The following TDRD3 variants were observed in gnomAD, a reference collection of about 807,000 sequenced individuals.
TDRD3 encodes tudor domain containing 3.
TDRD3 carries 45 observed loss-of-function variants against 86.7 expected under a neutral mutation model. The observed-to-expected ratio is 0.52, with a 90% CI of 0.41 to 0.67. The LOEUF is 0.67. Among genes scored for constraint, TDRD3 ranks in the 30% least tolerant of loss-of-function variants. The pLI, the probability that TDRD3 is intolerant of heterozygous loss-of-function variation, is 0.00. For synonymous variants in TDRD3, 298 were observed against 301.7 expected (o/e 0.99, Z 0.13); for missense variants, 814 against 889.0 (o/e 0.92, Z 1.07).
intron 1 of TDRD3, among the ~76,000 whole-genome samples, chr13:60,416,129 A>G (rs1430719779): frequency 1.3e-5 from 2 of 152,210 alleles, no homozygotes; most frequent in Non-Finnish European, 2.9e-5. Context: ...TAGATTTAAC[A>G]TGGTACAATA....
intron 10 of TDRD3, among the ~76,000 whole-genome samples, chr13:60,515,735 T>G (rs780379423): frequency 1.3e-5 from 2 of 152,220 alleles, no homozygotes; most frequent in Non-Finnish European, 2.9e-5. Context: ...GGCAAGCTAC[T>G]GAATTGTTTT....
intron 12 of TDRD3, among the ~76,000 whole-genome samples, chr13:60,563,157 G>C (rs1247730857): frequency 6.6e-6 from 1 of 151,798 alleles, no homozygotes; most frequent in Non-Finnish European, 1.5e-5. Context: ...GAACCTGGAA[G>C]GCGGAGGTTG....
chr13:60,470,653 G>A (rs1010504207), intron 5 of TDRD3, among the ~76,000 whole-genome samples: 45 of 148,424 alleles, frequency 3.0e-4, no homozygotes, highest in African/African-American at 7.5e-4. Context: ...GCACGATTTC[G>A]GCTTACTGCA....
intron 12 of TDRD3, among the ~76,000 whole-genome samples, chr13:60,566,642 A>T (rs1958466036): frequency 6.6e-6 from 1 of 152,118 alleles, no homozygotes; most frequent in South Asian, 2.1e-4. Flanking sequence ...CAAAACTGAG[A>T]GCTAATTTTT....
At chr13:60,460,644 G>A (rs1594960177) in intron 4 of TDRD3, 104 bp downstream of exon 4, 1 of 1,016,892 alleles carries the variant, frequency 9.8e-7, no homozygotes, top group South Asian at 2.1e-5. Flanking sequence ...CCTTAATTGT[G>A]TGTTACAGTT....
intron 12 of TDRD3, among the ~76,000 whole-genome samples, chr13:60,554,883 G>T (rs1244671728): frequency 2.0e-5 from 3 of 152,104 alleles, no homozygotes; most frequent in Non-Finnish European, 4.4e-5. Flanking sequence ...TGTTTCAGAT[G>T]TGGAATTACA....
chr13:60,408,934 C>T (rs1834474969), intron 1 of TDRD3, among the ~76,000 whole-genome samples: 1 of 152,230 alleles, frequency 6.6e-6, no homozygotes, highest in Non-Finnish European at 1.5e-5. Context: ...TAGCCCCTCT[C>T]ATCACAGGCC....
chr13:60,509,130 T>C (rs564127224), intron 8 of TDRD3, among the ~76,000 whole-genome samples: 8 of 152,322 alleles, frequency 5.3e-5, no homozygotes, highest in Middle Eastern at 6.8e-3. Context: ...GTTCAAGAAA[T>C]TTCTTCGTAG....
In TDRD3 at chr13:60,539,029, A is replaced by G. The variant is rs1343230817; in HGVS notation, c.2118+3796A>G. ...TCATTGTTCAGCTATTATTTCAACT[A>G]GAAAAATGATTATTGTGTAGGTAAT... is the stretch of plus-strand genomic sequence containing the variant. On this transcript the variant is annotated intron_variant, in intron 12 of 13. Coordinates refer to ENST00000377881, the MANE Select transcript of TDRD3 (RefSeq NM_001146070.2). Among the ~76,000 whole-genome samples, 4 of 152,322 alleles carry G rather than the reference A, an allele frequency of 2.6e-5. No individual in the cohort carries two copies. The East Asian group carries it at 7.7e-4, about 29-fold the overall frequency.
chr13:60,513,578 A>C (rs567007447), intron 10 of TDRD3, among the ~76,000 whole-genome samples: 1 of 152,160 alleles, frequency 6.6e-6, no homozygotes, highest in Non-Finnish European at 1.5e-5. Flanking sequence ...TCCCCACCCA[A>C]ATCTCATCTT....
At chr13:60,488,860 C>A (rs927279831) in intron 7 of TDRD3, among the ~76,000 whole-genome samples, 10 of 152,090 alleles carry the variant, frequency 6.6e-5, no homozygotes, top group Non-Finnish European at 1.3e-4. Flanking sequence ...ATTACACAGG[C>A]GTGAGCTACC....
chr13:60,460,327 T>G, intron 3 of TDRD3, 53 bp from the exon 4 acceptor site: 2 of 1,478,534 alleles, frequency 1.4e-6, no homozygotes, highest in East Asian at 2.6e-5. Context: ...AACACAGCCC[T>G]GAATAGAGTT....
chr13:60,565,298 G>T (rs374678843), intron 12 of TDRD3, among the ~76,000 whole-genome samples: 12 of 150,914 alleles, frequency 8.0e-5, no homozygotes, highest in African/African-American at 2.9e-4. Flanking sequence ...CTCGTGATCC[G>T]CCCGCCTCGG....
rs562479017 is a variant in TDRD3 at position 60,547,510 on chromosome 13, C to A, written c.2118+12277C>A. 56 of 589,316 alleles carry A rather than the reference C, an allele frequency of 9.5e-5. No homozygotes were observed. In the South Asian group the frequency reaches 2.2e-3, roughly 24 times the overall value. 36.5% of individuals were successfully genotyped at this position (589,316 alleles called of 1,614,324 possible). A position where few individuals can be genotyped will look rare whatever the true frequency, so the allele number is the denominator to read the frequency against. On this transcript the variant is annotated intron_variant, in intron 12 of 13. Coordinates refer to ENST00000377881, the MANE Select transcript of TDRD3 (RefSeq NM_001146070.2). ...ACTTTGGGTAAGTTACCTAATATCT[C>A]TGGGTCCCAGTTTCAGTACAGGATT... is the stretch of plus-strand genomic sequence containing the variant.
rs113211261 is a variant in TDRD3 at position 60,468,295 on chromosome 13, C to T, written c.495+916C>T. 3.4e-3 allele frequency among the ~76,000 whole-genome samples: 513 copies of T among 152,130 alleles called. 4 individuals carry two copies. The highest frequency in any genetic ancestry group is 0.012 in the African/African-American group (489 of 41,528). On this transcript the variant is annotated intron_variant, in intron 5 of 13. Coordinates refer to ENST00000377881, the MANE Select transcript of TDRD3 (RefSeq NM_001146070.2). ...CCTCAGTTATACATTTTTAATTAAACGTTTTTCCATTTTTACATTATTCAT... is the reference window on the plus strand; with the variant it reads ...CCTCAGTTATACATTTTTAATTAAATGTTTTTCCATTTTTACATTATTCAT...
rs962851052 is a variant in TDRD3 at position 60,521,822 on chromosome 13, G to A, written c.1142-6545G>A. ...TGAGGCAGGAGAATCACTTGAACCC[G>A]GGAGGTGGAGGTTGCGGTGAGCCGA... On this transcript the variant is annotated intron_variant, in intron 10 of 13. Transcript: ENST00000377881. Among the ~76,000 whole-genome samples, 9 of 152,234 alleles carry A rather than the reference G, an allele frequency of 5.9e-5. No homozygotes were observed. In the East Asian group the frequency reaches 1.2e-3, roughly 20 times the overall value.
At chr13:60,555,212 T>C (rs1482458542) in intron 12 of TDRD3, among the ~76,000 whole-genome samples, 2 of 152,168 alleles carry the variant, frequency 1.3e-5, no homozygotes, top group Non-Finnish European at 2.9e-5. Context: ...AAGCAAAAAT[T>C]CATACATTTA....
intron 1 of TDRD3, among the ~76,000 whole-genome samples, chr13:60,426,762 C>A (rs908821148): frequency 6.6e-6 from 1 of 152,206 alleles, no homozygotes; most frequent in Non-Finnish European, 1.5e-5. Context: ...TTCTATAAAA[C>A]CTTCACATAC....
chr13:60,525,701 T>G (rs1288458672), intron 10 of TDRD3, among the ~76,000 whole-genome samples: 1 of 152,174 alleles, frequency 6.6e-6, no homozygotes, highest in Non-Finnish European at 1.5e-5. Flanking sequence ...TTTGTTTATT[T>G]GTTAAATAAT....
Sources: allele counts gnomAD v4.1 joint callset (sites outside exome capture counted in the v4.1 genomes callset), GRCh38; gene constraint gnomAD v4.1.1; transcripts MANE v1.5; gene names NCBI Gene and HGNC (gene_info 2026-07-23, HGNC 2026-07-21).